OR3A2: variants seen among roughly 807,000 people sequenced by gnomAD.
OR3A2 encodes the protein olfactory receptor 3A2.
For synonymous variants in OR3A2, 126 were observed against 159.3 expected, an observed-to-expected ratio of 0.79 and a Z score of 1.57; for missense variants, 318 against 392.8, an observed-to-expected ratio of 0.81 and a Z score of 1.61.
chr17:3,285,180 C>A (rs2048800800), upstream of OR3A2, among the ~76,000 whole-genome samples: 1 of 152,112 alleles, frequency 6.6e-6, no homozygotes, highest in Non-Finnish European at 1.5e-5. Flanking sequence ...GGTTAATGAA[C>A]AGAAGCTGTG....
intron 2 of OR3A2, among the ~76,000 whole-genome samples, chr17:3,337,030 G>A (rs2049279246): frequency 6.6e-6 from 1 of 152,162 alleles, no homozygotes; most frequent in African/African-American, 2.4e-5. Context: ...CGATATCTGT[G>A]TCTAATTTCA....
At position 3,367,096 on chromosome 17, in the gene OR3A2, T is replaced by C. The variant is rs2049570696; in HGVS notation, c.-179+16708A>G. 3.9e-5 allele frequency among the ~76,000 whole-genome samples: 6 copies of C among 152,236 alleles called. 1 individual carries two copies. The South Asian group carries it at 1.2e-3, about 31-fold the overall frequency. ...TAGGAAATATGAATGCCAGTCCCAC[T>C]GGCTCACAAAATAGAGTTTGGGAAG... On this transcript the variant is annotated intron_variant, in intron 2 of 4. Transcript: ENST00000573491.
At chr17:3,312,527 C>A (rs551835771) in intron 3 of OR3A2, among the ~76,000 whole-genome samples, 8 of 152,322 alleles carry the variant, frequency 5.3e-5, no homozygotes, top group Middle Eastern at 6.8e-3. Context: ...CATGGCAGTG[C>A]ATGAGCCTAT....
chr17:3,332,418 C>G (rs2049244070), intron 3 of OR3A2, among the ~76,000 whole-genome samples: 1 of 152,056 alleles, frequency 6.6e-6, no homozygotes, highest in Non-Finnish European at 1.5e-5. Context: ...TCATGGTGTG[C>G]TGCAGTCCGA....
intron 3 of OR3A2, among the ~76,000 whole-genome samples, chr17:3,327,788 T>A (rs1418710741): frequency 7.2e-6 from 1 of 138,136 alleles, no homozygotes; most frequent in Non-Finnish European, 1.5e-5. Context: ...TAGCCAGTTT[T>A]CCCAGCACCA....
At chr17:3,277,852 A>T in exon 2 of OR3A2, 1 of 1,073,660 alleles carries the variant, frequency 9.3e-7, no homozygotes, top group Non-Finnish European at 1.4e-6. Context: ...TGTAACACCG[A>T]TCTTCAAGCA....
chr17:3,325,866 G>T (rs2049167097), intron 3 of OR3A2, among the ~76,000 whole-genome samples: 1 of 152,018 alleles, frequency 6.6e-6, no homozygotes, highest in Admixed American at 6.6e-5. Context: ...GCCATGGTGG[G>T]TTGCTGCACA....
chr17:3,292,048 G>C, intron 3 of OR3A2: 1 of 1,614,218 alleles, frequency 6.2e-7, no homozygotes, highest in Non-Finnish European at 8.5e-7. Context: ...CAGTAGAAGT[G>C]ATTGATCACA....
intron 2 of OR3A2, among the ~76,000 whole-genome samples, chr17:3,338,977 C>T (rs866947940): frequency 6.6e-6 from 1 of 152,126 alleles, no homozygotes; most frequent in African/African-American, 2.4e-5. Context: ...TGAAGAGGTC[C>T]TTCACAACCT....
chr17:3,360,154 C>T (rs1423603235), intron 2 of OR3A2, among the ~76,000 whole-genome samples: 1 of 151,798 alleles, frequency 6.6e-6, no homozygotes, highest in African/African-American at 2.4e-5. Flanking sequence ...TTTTAATTTG[C>T]ATTTCTCTGA....
intron 3 of OR3A2, among the ~76,000 whole-genome samples, chr17:3,322,531 A>C (rs2049133038): frequency 6.6e-6 from 1 of 152,146 alleles, no homozygotes; most frequent in South Asian, 2.1e-4. Context: ...TTCCCTTTAC[A>C]CACTGCTTTG....
chr17:3,312,987 G>A (rs804228), intron 3 of OR3A2, among the ~76,000 whole-genome samples: 61,579 of 152,030 alleles, frequency 0.41, 12,816 homozygotes, highest in Admixed American at 0.52. Context: ...TAATTCATAC[G>A]TACAGATAAT....
At chr17:3,370,994 GAA>G (rs778815324) in intron 2 of OR3A2, among the ~76,000 whole-genome samples, 10 of 152,158 alleles carry the variant, frequency 6.6e-5, no homozygotes, top group Middle Eastern at 3.4e-3. Flanking sequence ...AGAGCAAAAT[GAA>G]AAGTCTCCCA....
At chr17:3,349,264 G>A (rs230457) in intron 2 of OR3A2, among the ~76,000 whole-genome samples, 3,064 of 152,022 alleles carry the variant, frequency 0.02, 110 homozygotes, top group African/African-American at 0.067. Context: ...AAGACCCATC[G>A]GTGTGCTGTA....
chr17:3,337,063 CA>C (rs1236547357), intron 2 of OR3A2, among the ~76,000 whole-genome samples: 1 of 152,180 alleles, frequency 6.6e-6, no homozygotes, highest in Non-Finnish European at 1.5e-5. Context: ...CTTCCAAACC[CA>C]AAATGGACAT....
intron 3 of OR3A2, among the ~76,000 whole-genome samples, chr17:3,295,474 A>C (rs2048911799): frequency 6.6e-6 from 1 of 152,120 alleles, no homozygotes; most frequent in Non-Finnish European, 1.5e-5. Context: ...AATCTTCTAA[A>C]ATATAAGAGG....
intron 1 of OR3A2, among the ~76,000 whole-genome samples, chr17:3,283,028 TTC>T (rs144145836): frequency 0.18 from 27,394 of 150,948 alleles, 3,079 homozygotes; most frequent in African/African-American, 0.3. Flanking sequence ...TTCTGTCTCT[TTC>T]TCTCTCTCTC....
At chr17:3,320,797 G>T (rs375121585) in intron 3 of OR3A2, among the ~76,000 whole-genome samples, 30 of 151,096 alleles carry the variant, frequency 2.0e-4, no homozygotes, top group African/African-American at 6.8e-4. Flanking sequence ...CAGTATAGTT[G>T]GAAGTCAGGT....
At chr17:3,287,231 C>G (rs1354107574), upstream of OR3A2, among the ~76,000 whole-genome samples, 1 of 149,774 alleles carries the variant, frequency 6.7e-6, no homozygotes, top group Non-Finnish European at 1.5e-5. Context: ...CATCATCCAC[C>G]CCCCTCCTAC....
Sources: allele counts gnomAD v4.1 joint callset (sites outside exome capture counted in the v4.1 genomes callset), GRCh38; gene constraint gnomAD v4.1.1; transcripts MANE v1.5; gene names NCBI Gene and HGNC (gene_info 2026-07-23, HGNC 2026-07-21).